Variants in TSNARE1 observed in about 807,000 individuals in gnomAD.
TSNARE1 encodes the protein t-SNARE domain-containing protein 1.
In TSNARE1, 49 loss-of-function variants were observed where a neutral mutation model predicts 62.0. The observed-to-expected ratio is 0.79, with a 90% CI of 0.63 to 1.00. The LOEUF (loss-of-function observed/expected upper bound fraction) is 1.00. TSNARE1 is among the 50% of genes least tolerant of loss of function. The pLI is 0.00. For missense variants in TSNARE1, 755 were observed against 700.1 expected (o/e 1.08, Z -0.88); for synonymous variants, 328 against 294.4 (o/e 1.11, Z -1.17).
At chr8:142,214,193 C>T (rs1056354845) in intron 13 of TSNARE1, among the ~76,000 whole-genome samples, 3 of 152,180 alleles carry the variant, frequency 2.0e-5, no homozygotes, top group African/African-American at 7.2e-5. Context: ...CCCTGGGAAC[C>T]CAGAAAGGAG....
intron 12 of TSNARE1, among the ~76,000 whole-genome samples, chr8:142,268,921 T>A (rs1055604247): frequency 1.3e-5 from 2 of 152,262 alleles, no homozygotes; most frequent in African/African-American, 4.8e-5. Flanking sequence ...ATGACGCCTA[T>A]CTACTCTAAG....
chr8:142,361,815 G>C (rs1307208867), intron 1 of TSNARE1, among the ~76,000 whole-genome samples: 2 of 152,192 alleles, frequency 1.3e-5, no homozygotes, highest in Admixed American at 1.3e-4. Flanking sequence ...CACACACACA[G>C]GGAGCAGAGG....
At chr8:142,347,029 C>T (rs1833463096) in intron 2 of TSNARE1, among the ~76,000 whole-genome samples, 1 of 152,238 alleles carries the variant, frequency 6.6e-6, no homozygotes, top group South Asian at 2.1e-4. Context: ...GACAGGCCTA[C>T]GGCCACACAG....
chr8:142,309,293 TG>T (rs1480930448), intron 9 of TSNARE1, among the ~76,000 whole-genome samples: 3 of 152,168 alleles, frequency 2.0e-5, no homozygotes, highest in Non-Finnish European at 4.4e-5. Flanking sequence ...TCTGGCACAA[TG>T]GGGAACAGAA....
At chr8:142,310,822 C>G (rs1827454969) in intron 9 of TSNARE1, among the ~76,000 whole-genome samples, 1 of 151,998 alleles carries the variant, frequency 6.6e-6, no homozygotes, top group Admixed American at 6.6e-5. Flanking sequence ...AAATTTTTAT[C>G]ATGCTATGAC....
intron 12 of TSNARE1, among the ~76,000 whole-genome samples, chr8:142,261,571 T>C (rs1395906435): frequency 1.3e-5 from 2 of 151,986 alleles, no homozygotes; most frequent in Non-Finnish European, 2.9e-5. Flanking sequence ...GATGCCTCAA[T>C]GCATTGACCC....
chr8:142,394,064 C>T (rs1837728981), intron 1 of TSNARE1, among the ~76,000 whole-genome samples: 1 of 152,246 alleles, frequency 6.6e-6, no homozygotes, highest in African/African-American at 2.4e-5. Flanking sequence ...TCTGCCCACG[C>T]TGGCTGCCCG....
chr8:142,213,989 G>C (rs939385855), intron 13 of TSNARE1, among the ~76,000 whole-genome samples: 6 of 152,204 alleles, frequency 3.9e-5, no homozygotes, highest in African/African-American at 1.4e-4. Flanking sequence ...GCCTTTCCAG[G>C]ATTGTCCCCA....
At chr8:142,322,205 T>G (rs1358176485) in intron 6 of TSNARE1, among the ~76,000 whole-genome samples, 1 of 152,246 alleles carries the variant, frequency 6.6e-6, no homozygotes, top group Non-Finnish European at 1.5e-5. Flanking sequence ...ACACTCATTT[T>G]AGACTAAAAC....
At chr8:142,272,107 C>G (rs1450455325) in intron 12 of TSNARE1, among the ~76,000 whole-genome samples, 1 of 152,050 alleles carries the variant, frequency 6.6e-6, no homozygotes, top group African/African-American at 2.4e-5. Context: ...CCTGTCTGTT[C>G]ATCACTGTCC....
chr8:142,313,093 T>C (rs12680120), intron 9 of TSNARE1, among the ~76,000 whole-genome samples: 8,252 of 152,304 alleles, frequency 0.054, 408 homozygotes, highest in East Asian at 0.27. Flanking sequence ...TCTGCATCTC[T>C]TCATGTCTGC....
At chr8:142,225,767 A>T (rs746703123) in intron 13 of TSNARE1, among the ~76,000 whole-genome samples, 3 of 152,210 alleles carry the variant, frequency 2.0e-5, no homozygotes, top group Non-Finnish European at 4.4e-5. Flanking sequence ...TGTCACTCAG[A>T]TGTACTGGCT....
chr8:142,381,001 A>C (rs889934585), intron 1 of TSNARE1, among the ~76,000 whole-genome samples: 1 of 152,118 alleles, frequency 6.6e-6, no homozygotes, highest in South Asian at 2.1e-4. Context: ...AGCATCACCC[A>C]CAGCAAGTCC....
intron 12 of TSNARE1, chr8:142,273,040 G>A: frequency 1.0e-6 from 1 of 985,456 alleles, no homozygotes; most frequent in Non-Finnish European, 1.2e-6. Flanking sequence ...CGCCTCCTGG[G>A]CCTGAGCCTT....
chr8:142,262,268 A>T (rs956445261), intron 12 of TSNARE1, among the ~76,000 whole-genome samples: 6 of 151,872 alleles, frequency 4.0e-5, no homozygotes, highest in Non-Finnish European at 8.8e-5. Context: ...AATTGCATTG[A>T]GCCTATAGAT....
intron 4 of TSNARE1, among the ~76,000 whole-genome samples, chr8:142,343,702 C>A (rs2073075694): frequency 6.8e-6 from 1 of 146,662 alleles, no homozygotes; most frequent in South Asian, 2.2e-4. Context: ...GTGAACGGGG[C>A]AGAGGATGAA....
rs1266958072 is a variant in TSNARE1, at chr8:142,314,945, G to A, written c.1074+58C>T. 4 of 1,542,482 alleles carry A rather than the reference G, an allele frequency of 2.6e-6. No individual in the cohort carries two copies. In the South Asian group the frequency reaches 4.5e-5, roughly 17 times the overall value. On this transcript the variant is annotated intron_variant, in intron 8 of 13. Coordinates refer to ENST00000524325, the MANE Select transcript of TSNARE1 (RefSeq NM_145003.5). ...CAAGACAGCCATGACAGTGCTCCGGGAACCGAGGCCGACCCCACCTGGCCT... is the reference window on the plus strand; with the variant it reads ...CAAGACAGCCATGACAGTGCTCCGGAAACCGAGGCCGACCCCACCTGGCCT...
intron 12 of TSNARE1, among the ~76,000 whole-genome samples, chr8:142,231,983 G>A (rs983161876): frequency 9.2e-5 from 14 of 152,346 alleles, no homozygotes; most frequent in East Asian, 5.8e-4. Flanking sequence ...GGAACCATGC[G>A]TGGGGGTCTC....
At chr8:142,341,288 A>C (rs7388259) in intron 4 of TSNARE1, among the ~76,000 whole-genome samples, 1 of 152,316 alleles carries the variant, frequency 6.6e-6, no homozygotes, top group South Asian at 2.1e-4. Flanking sequence ...AGGCCTGGCC[A>C]GGCAGTCTTC....
Sources: gnomAD v4.1 joint callset for allele counts (sites outside exome capture counted in the v4.1 genomes callset) on GRCh38, gnomAD v4.1.1 for gene constraint, MANE v1.5 for transcripts, NCBI Gene and HGNC (gene_info 2026-07-23, HGNC 2026-07-21) for gene names.